ANKS1A: variants seen among roughly 807,000 people sequenced by gnomAD.
The protein encoded by ANKS1A is ankyrin repeat and SAM domain-containing protein 1A.
Under a neutral mutation model 120.3 loss-of-function variants are expected in ANKS1A, and 55 were observed. The observed-to-expected ratio is 0.46, with a 90% confidence interval of 0.37 to 0.57. The LOEUF (loss-of-function observed/expected upper bound fraction) is 0.57. Ranked by LOEUF, ANKS1A falls within the 20% of genes least tolerant of loss-of-function variation. The probability of loss-of-function intolerance (pLI) is 0.00; values close to 1 mark genes in which losing one functional copy is unlikely to be tolerated. For missense variants in ANKS1A, 1,123 were observed against 1,480.3 expected (o/e 0.76, Z 3.96); for synonymous variants, 590 against 604.7 (o/e 0.98, Z 0.36).
chr6:34,903,334 T>C (rs1767459057), intron 1 of ANKS1A, among the ~76,000 whole-genome samples: 1 of 152,046 alleles, frequency 6.6e-6, no homozygotes, highest in Non-Finnish European at 1.5e-5. Flanking sequence ...AGGCAAATCA[T>C]CATGTAGAAA....
intron 23 of ANKS1A, 121 bp downstream of exon 23, chr6:35,087,170 C>A (rs1192613988): frequency 3.0e-6 from 3 of 987,290 alleles, no homozygotes; most frequent in South Asian, 1.4e-5. Flanking sequence ...ATGCCAAGGC[C>A]CCACCTGCAC....
chr6:34,895,210 T>A (rs1581657145), intron 1 of ANKS1A, among the ~76,000 whole-genome samples: 1 of 149,826 alleles, frequency 6.7e-6, no homozygotes. Flanking sequence ...TTTTTTTTTT[T>A]AATTAAAAAA....
chr6:34,917,376 T>C (rs554407083), intron 1 of ANKS1A, among the ~76,000 whole-genome samples: 1 of 152,314 alleles, frequency 6.6e-6, no homozygotes, highest in African/African-American at 2.4e-5. Flanking sequence ...AAGTCAGCGA[T>C]GCTTTCTTTT....
At position 35,017,937 on chromosome 6, in the gene ANKS1A, C is replaced by T. The variant is rs1433156188; in HGVS notation, c.1888C>T (p.Leu630Phe). ...SRSLSKSDSD[L>F]LTCSPTEDAT... ...CAGCTTGTCCAAGTCTGACTCTGAT[C>T]TCCTGACCTGCTCACCCACAGAGGA... Residue 630 changes from leucine to phenylalanine, a missense_variant, in exon 11 of 24, where the codon CTC becomes TTC. By Grantham distance (22) the Leu-to-Phe change is conservative (BLOSUM62 0). Transcript: ENST00000360359. 6.2e-7 allele frequency: 1 copy of T among 1,614,124 alleles called. No individual in the cohort carries two copies. The highest frequency in any genetic ancestry group is 8.5e-7 in the Non-Finnish European group (1 of 1,180,048).
chr6:34,952,975 G>T (rs1770159182), intron 1 of ANKS1A, among the ~76,000 whole-genome samples: 1 of 152,186 alleles, frequency 6.6e-6, no homozygotes, highest in Non-Finnish European at 1.5e-5. Flanking sequence ...CTCCCAAAGT[G>T]CTGGGATTAC....
intron 11 of ANKS1A, among the ~76,000 whole-genome samples, chr6:35,038,667 G>A (rs887587035): frequency 6.6e-6 from 1 of 151,584 alleles, no homozygotes; most frequent in Non-Finnish European, 1.5e-5. Context: ...TTGTTTTTTT[G>A]TAGAGACAGG....
Position 35,090,418 on chromosome 6 carries a change from C to T in ANKS1A, c.*1809C>T, listed in dbSNP as rs367607477. The T allele has an allele frequency of 1.5e-4, 176 of 1,198,144 alleles. 1 individual carries two copies. In the African/African-American group the frequency reaches 1.7e-3, roughly 11 times the overall value. 74.2% of individuals were successfully genotyped at this position (1,198,144 alleles called of 1,614,324 possible). On this transcript the variant is annotated 3_prime_UTR_variant, in exon 24 of 24. Coordinates refer to ENST00000360359, the MANE Select transcript of ANKS1A (RefSeq NM_015245.3). The stretch of plus-strand genomic sequence containing the variant: ...TCTGTCGGGGGCGGGGCGGTAGGTC[C>T]GAAAGAAACCGCAGACACTACGATG...
intron 1 of ANKS1A, among the ~76,000 whole-genome samples, chr6:34,949,695 C>G (rs146493513): frequency 5.9e-5 from 9 of 152,194 alleles, no homozygotes; most frequent in Admixed American, 4.6e-4. Flanking sequence ...GGTAGGAGTA[C>G]ATAACTGTTA....
rs74749875 is a variant in ANKS1A at position 34,957,887 on chromosome 6, A to G, written c.198-9352A>G. On this transcript the variant is annotated intron_variant, in intron 1 of 23. Coordinates refer to ENST00000360359, the MANE Select transcript of ANKS1A (RefSeq NM_015245.3). Reference sequence around the variant, plus strand: ...TCAACTATATGACAATCAGCAAGCCATTTGAACTTCAGTTTTCTTACCTGT... The same window carrying G: ...TCAACTATATGACAATCAGCAAGCCGTTTGAACTTCAGTTTTCTTACCTGT... 3.4e-4 allele frequency among the ~76,000 whole-genome samples: 52 copies of G among 152,342 alleles called. No individual in the cohort carries two copies. In the East Asian group the frequency reaches 8.5e-3, roughly 25 times the overall value.
At chr6:34,901,232 T>A (rs1341773287) in intron 1 of ANKS1A, among the ~76,000 whole-genome samples, 4 of 151,870 alleles carry the variant, frequency 2.6e-5, no homozygotes, top group African/African-American at 4.8e-5. Context: ...TTTTTTTTTT[T>A]AAACAATTCG....
chr6:35,095,131 A>G (rs1254997461), downstream of ANKS1A, among the ~76,000 whole-genome samples: 2 of 100,654 alleles, frequency 2.0e-5, no homozygotes, highest in Non-Finnish European at 4.0e-5. Flanking sequence ...ACAGAGTGAG[A>G]CCCCCATCTC....
In ANKS1A at chr6:35,017,545, T is replaced by TTG; in HGVS notation, c.1496_1497insTG (p.Ser500AlafsTer86). On this transcript the variant is annotated frameshift_variant, in exon 11 of 24. Coordinates refer to ENST00000360359, the MANE Select transcript of ANKS1A (RefSeq NM_015245.3). LOFTEE classifies it high-confidence loss of function. ...CAGGACGGGCAGGTCCCAGAGCAGT[T>TTG]CTCAGGCCTCCTCCACGGCTCCTCC... 6.2e-7 allele frequency: 1 copy of TTG among 1,614,030 alleles called. No homozygotes were observed. Among genetic ancestry groups the TTG allele is most frequent in the South Asian group, 1.1e-5 (1 of 91,060 alleles).
chr6:35,097,034 AAT>A, the ANKS1A span, among the ~76,000 whole-genome samples: 1 of 88,948 alleles, frequency 1.1e-5, no homozygotes, highest in Admixed American at 1.2e-4. Flanking sequence ...CATTCCAGCC[AAT>A]TTTTTTTTTT....
chr6:34,992,293 C>G (rs1391576704), intron 9 of ANKS1A, among the ~76,000 whole-genome samples: 9 of 152,190 alleles, frequency 5.9e-5, no homozygotes. Flanking sequence ...AGGATCCCTT[C>G]CAGCTCTGGC....
chr6:34,890,796 A>C (rs1212267398), intron 1 of ANKS1A, among the ~76,000 whole-genome samples: 1 of 152,154 alleles, frequency 6.6e-6, no homozygotes, highest in Non-Finnish European at 1.5e-5. Flanking sequence ...AAGAAGTGGA[A>C]GTTCATTTAG....
At chr6:35,047,753 G>T (rs1002954570) in intron 11 of ANKS1A, among the ~76,000 whole-genome samples, 1 of 152,146 alleles carries the variant, frequency 6.6e-6, no homozygotes, top group Non-Finnish European at 1.5e-5. Context: ...GTTTCTTGGC[G>T]CTTTGAGTAA....
chr6:34,909,754 G>A (rs1767817631), intron 1 of ANKS1A, among the ~76,000 whole-genome samples: 1 of 152,210 alleles, frequency 6.6e-6, no homozygotes, highest in Non-Finnish European at 1.5e-5. Flanking sequence ...CAGGGCTGGG[G>A]AAATGTTCCT....
At chr6:35,002,008 C>T (rs993121612) in intron 10 of ANKS1A, among the ~76,000 whole-genome samples, 1 of 152,192 alleles carries the variant, frequency 6.6e-6, no homozygotes, top group African/African-American at 2.4e-5. Context: ...TAGGCAAAAC[C>T]TAAACATAAA....
chr6:35,025,870 AC>A (rs947028679), intron 11 of ANKS1A, among the ~76,000 whole-genome samples: 4 of 151,964 alleles, frequency 2.6e-5, no homozygotes, highest in African/African-American at 9.7e-5. Context: ...TCCGCAGGCC[AC>A]CACACCCACC....
Sources: allele counts gnomAD v4.1 joint callset (sites outside exome capture counted in the v4.1 genomes callset), GRCh38; gene constraint gnomAD v4.1.1; transcripts MANE v1.5; gene names NCBI Gene and HGNC (gene_info 2026-07-23, HGNC 2026-07-21).